The following MYH11 variants were observed in gnomAD, a reference collection of about 807,000 sequenced individuals.
MYH11 encodes the protein myosin heavy chain 11, also known as myosin-11.
A neutral mutation model predicts 246.6 loss-of-function variants in MYH11; 80 were observed. The ratio of observed to expected loss-of-function variants is 0.32; its 90% CI spans 0.27 to 0.39. The LOEUF is 0.39. Ranked by LOEUF, MYH11 falls within the 10% of genes least tolerant of loss-of-function variation. MYH11 has a pLI of 1.00. For missense variants in MYH11, 2,158 were observed against 2,546.8 expected (o/e 0.85, Z 3.29); for synonymous variants, 1,071 against 1,015.5 (o/e 1.05, Z -1.04).
intron 3 of MYH11, among the ~76,000 whole-genome samples, chr16:15,804,548 T>C (rs1043016992): frequency 2.0e-5 from 3 of 151,778 alleles, no homozygotes; most frequent in African/African-American, 7.3e-5. Context: ...GATAAAAAAA[T>C]AACTAAAGTG....
At chr16:15,742,356 G>A (rs555234480) in intron 20 of MYH11, among the ~76,000 whole-genome samples, 77 of 152,262 alleles carry the variant, frequency 5.1e-4, no homozygotes, top group African/African-American at 1.7e-3. Flanking sequence ...TATTAACATT[G>A]TTTACATTTC....
rs143588920 is a variant in MYH11, at chr16:15,724,233, G to A, written c.4293C>T (p.Asp1431=). The change falls in exon 31 of 41, where the codon GAC becomes GAT. Residue 1431 remains aspartate (D), a synonymous_variant. Coordinates refer to ENST00000300036, the MANE Select transcript of MYH11 (RefSeq NM_002474.3). ...GCTGGTTGTCCAAATCAACAACCAG[G>A]TCGTCCAGCTCCTGCTGAAGCCTGT... ...TKNRLQQELD[D]LVVDLDNQRQ... The A allele has an allele frequency of 5.5e-5, 88 of 1,614,058 alleles. No homozygotes were observed. The highest frequency in any genetic ancestry group is 2.1e-4 in the African/African-American group (16 of 74,928).
chr16:15,853,156 T>G (rs1200845865), intron 1 of MYH11, among the ~76,000 whole-genome samples: 1 of 151,876 alleles, frequency 6.6e-6, no homozygotes, highest in Non-Finnish European at 1.5e-5. Flanking sequence ...GCCCCTCACC[T>G]TTTTTTTGAG....
At chr16:15,704,911 T>C (rs374658888) in intron 40 of MYH11, among the ~76,000 whole-genome samples, 1 of 152,304 alleles carries the variant, frequency 6.6e-6, no homozygotes, top group East Asian at 1.9e-4. Context: ...ACTCCTGAGC[T>C]CAAGCAGTTC....
chr16:15,769,790 T>G (rs990884274), intron 9 of MYH11, among the ~76,000 whole-genome samples: 20 of 152,182 alleles, frequency 1.3e-4, no homozygotes, highest in African/African-American at 3.6e-4. Flanking sequence ...ATAAACCCTC[T>G]ATTAATCAAC....
intron 12 of MYH11, 149 bp downstream of exon 12, chr16:15,759,427 T>A (rs1032820747): frequency 9.7e-7 from 1 of 1,030,872 alleles, no homozygotes; most frequent in African/African-American, 1.6e-5. Flanking sequence ...TTTCTGTCTC[T>A]TATACCCTCA....
At chr16:15,848,080 A>G (rs2044242089) in intron 1 of MYH11, among the ~76,000 whole-genome samples, 1 of 152,162 alleles carries the variant, frequency 6.6e-6, no homozygotes, top group Admixed American at 6.5e-5. Context: ...TTTTGCTCCT[A>G]CGAGCCTTGG....
At chr16:15,767,210 G>C (rs2031078344) in intron 9 of MYH11, among the ~76,000 whole-genome samples, 1 of 152,080 alleles carries the variant, frequency 6.6e-6, no homozygotes, top group Admixed American at 6.5e-5. Context: ...GGATGATAGA[G>C]GATGGATTGA....
rs568726096 is a variant in MYH11, at chr16:15,726,894, C to A, written c.3812G>T (p.Gly1271Val). Reference protein sequence around the residue: ...VQELQSKCSDGERARAELNDK... With the variant: ...VQELQSKCSDVERARAELNDK... ...ATTGAGCTCCGCCCGGGCCCGCTCC[C>A]CATCGCTGCACTTGGACTGCAGCTC... Residue 1271 changes from glycine to valine, a missense_variant, in exon 28 of 41, where the codon GGG becomes GTG. Physicochemically the swap from Gly to Val is moderately radical, Grantham distance 109. Coordinates refer to ENST00000300036, the MANE Select transcript of MYH11 (RefSeq NM_002474.3). 6.2e-7 allele frequency: 1 copy of A among 1,612,626 alleles called. No homozygotes were observed.
rs577090397 is a variant in MYH11, at chr16:15,818,716, G to A, written c.502+4539C>T. Among the ~76,000 whole-genome samples, 8 of 151,596 alleles carry A rather than the reference G, an allele frequency of 5.3e-5. No homozygotes were observed. The South Asian group carries it at 8.4e-4, about 16-fold the overall frequency. ...CTCCCAAAGTGCTGGGATTACAGGC[G>A]TTAGCCACCGTGCCCGATTCTTTTT... On this transcript the variant is annotated intron_variant, in intron 3 of 40. Coordinates refer to ENST00000300036, the MANE Select transcript of MYH11 (RefSeq NM_002474.3).
chr16:15,826,658 G>A (rs571599089), intron 2 of MYH11, among the ~76,000 whole-genome samples: 2 of 152,004 alleles, frequency 1.3e-5, no homozygotes, highest in Admixed American at 6.5e-5. Context: ...AGGGACAATG[G>A]TATGTAATGT....
Position 15,715,165 on chromosome 16 carries a change from T to C in MYH11, c.5612A>G (p.Gln1871Arg). 1.2e-6 allele frequency: 2 copies of C among 1,613,600 alleles called. No individual in the cohort carries two copies. Among genetic ancestry groups the C allele is most frequent in the South Asian group, 1.1e-5 (1 of 91,086 alleles). The change falls in exon 39 of 41, where the codon CAG becomes CGG. Residue 1871 changes from glutamine (Q) to arginine (R), a missense_variant and splice_region_variant. By Grantham distance (43) the Gln-to-Arg change is conservative. Coordinates refer to ENST00000300036, the MANE Select transcript of MYH11 (RefSeq NM_002474.3). Reference sequence around the variant, plus strand: ...GGGAGGCTGGGTGGCAGGGGCTACCTGCTCCTTGTACTGCTCGGCCATCTT... The same window carrying C: ...GGGAGGCTGGGTGGCAGGGGCTACCCGCTCCTTGTACTGCTCGGCCATCTT... ...ERKMAEQYKE[Q>R]AEKGNARVKQ...
intron 17 of MYH11, 32 bp downstream of exon 17, chr16:15,748,015 C>A: frequency 6.2e-7 from 1 of 1,614,230 alleles, no homozygotes; most frequent in South Asian, 1.1e-5. Flanking sequence ...CGCTCACCCC[C>A]TGCCCTACCT....
intron 4 of MYH11, among the ~76,000 whole-genome samples, chr16:15,797,033 G>T (rs909079): frequency 0.68 from 103,750 of 152,020 alleles, 37,237 homozygotes; most frequent in African/African-American, 0.92. Context: ...CCATCACAGG[G>T]AGTTATTCTG....
rs2151204012 is a variant in MYH11 at position 15,719,435 on chromosome 16, A to G, written c.5083-127T>C. On this transcript the variant is annotated intron_variant, in intron 35 of 40. Transcript: ENST00000300036. ...CTCTGAGCTCAGGGGAGGCCCCGTG[A>G]ATACATAGAGGAGGGAAGCGTGTGT... 2.7e-6 allele frequency: 4 copies of G among 1,477,594 alleles called. No homozygotes were observed. In the South Asian group the frequency reaches 3.4e-5, roughly 13 times the overall value. The allele number at this position is 1,477,594 out of a possible 1,614,324, so 91.5% of individuals were successfully genotyped here. A position where few individuals can be genotyped will look rare whatever the true frequency, so the allele number is the denominator to read the frequency against.
At position 15,742,050 on chromosome 16, in the gene MYH11, T is replaced by TG. The variant is rs1228833598; in HGVS notation, c.2521-160dup. 6.7e-6 allele frequency: 8 copies of TG among 1,194,042 alleles called. No homozygotes were observed. In the African/African-American group the frequency reaches 7.5e-5, roughly 11 times the overall value. The allele number at this position is 1,194,042 out of a possible 1,614,324, so 74.0% of individuals were successfully genotyped here. The stretch of plus-strand genomic sequence containing the variant: ...ACACTGCTGATTGTCACAGCTGGGG[T>TG]GGGGGGTGCCTCTGGCATCCAGTGG... On this transcript the variant is annotated intron_variant, in intron 20 of 40. Coordinates refer to ENST00000300036, the MANE Select transcript of MYH11 (RefSeq NM_002474.3).
At chr16:15,774,116 G>A (rs1390913925) in intron 8 of MYH11, among the ~76,000 whole-genome samples, 1 of 152,182 alleles carries the variant, frequency 6.6e-6, no homozygotes, top group Non-Finnish European at 1.5e-5. Flanking sequence ...TGATAAACTC[G>A]AGGTTAAATT....
intron 22 of MYH11, among the ~76,000 whole-genome samples, chr16:15,740,819 G>A (rs2041253342): frequency 6.6e-6 from 1 of 152,176 alleles, no homozygotes; most frequent in South Asian, 2.1e-4. Context: ...AAATCAGGAA[G>A]AAGTGATGGA....
chr16:15,723,091 C>G (rs1387554437), intron 31 of MYH11, among the ~76,000 whole-genome samples: 1 of 152,124 alleles, frequency 6.6e-6, no homozygotes, highest in East Asian at 1.9e-4. Flanking sequence ...TAAACTAAAT[C>G]ATATTTACTA....
Sources: allele counts gnomAD v4.1 joint callset (sites outside exome capture counted in the v4.1 genomes callset), GRCh38; gene constraint gnomAD v4.1.1; transcripts MANE v1.5; gene names NCBI Gene and HGNC (gene_info 2026-07-23, HGNC 2026-07-21).